The following TXLNG variants were observed in gnomAD, a reference collection of about 807,000 sequenced individuals.
TXLNG encodes gamma-taxilin.
TXLNG carries 5 observed loss-of-function variants against 38.8 expected under a neutral mutation model. The observed-to-expected ratio is 0.13, with a 90% CI of 0.07 to 0.27. TXLNG has a LOEUF of 0.27. TXLNG is among the 10% of genes least tolerant of loss of function. The pLI, the probability that TXLNG is intolerant of heterozygous loss-of-function variation, is 1.00. For missense variants in TXLNG, 393 were observed against 398.2 expected, an observed-to-expected ratio of 0.99 and a Z score of 0.11; for synonymous variants, 182 against 158.2, an observed-to-expected ratio of 1.15 and a Z score of -1.13.
rs773776426 is a variant in TXLNG at position 16,806,366 on chromosome X, C to G, written c.103-12208C>G. Reference sequence around the variant, plus strand: ...CTCCACTGCCCCTCCCAGGGCAGAGCGAGCATGGTTGCACATACACTGTTG... The same window carrying G: ...CTCCACTGCCCCTCCCAGGGCAGAGGGAGCATGGTTGCACATACACTGTTG... On this transcript the variant is annotated intron_variant, in intron 1 of 9. Coordinates refer to ENST00000380122, the MANE Select transcript of TXLNG (RefSeq NM_018360.3). 2.7e-5 allele frequency among the ~76,000 whole-genome samples: 3 copies of G among 112,622 alleles called. No individual in the cohort carries two copies. The East Asian group carries it at 8.3e-4, about 31-fold the overall frequency.
chrX:16,835,448 G>T (rs1311299249), intron 7 of TXLNG, among the ~76,000 whole-genome samples: 1 of 112,043 alleles, frequency 8.9e-6, no homozygotes, highest in Non-Finnish European at 1.9e-5. Flanking sequence ...GCTTCTAGGA[G>T]ATTTGAATCT....
intron 5 of TXLNG, among the ~76,000 whole-genome samples, chrX:16,830,632 G>A (rs1929358718): frequency 9.6e-6 from 1 of 103,931 alleles, no homozygotes; most frequent in Admixed American, 1.0e-4. Flanking sequence ...AGGCATCTGT[G>A]TGTTACTTTA....
At chrX:16,841,112 C>T (rs1443598337) in intron 9 of TXLNG, among the ~76,000 whole-genome samples, 1 of 108,903 alleles carries the variant, frequency 9.2e-6, no homozygotes, top group African/African-American at 3.4e-5. Context: ...GGAGAATCAC[C>T]TCAACCCAGG....
At chrX:16,818,052 A>G (rs1478332610) in intron 1 of TXLNG, among the ~76,000 whole-genome samples, 1 of 111,187 alleles carries the variant, frequency 9.0e-6, no homozygotes, top group East Asian at 2.8e-4. Context: ...CTATGCCCAC[A>G]TTCAGTTGGT....
intron 2 of TXLNG, among the ~76,000 whole-genome samples, chrX:16,819,440 A>G (rs878895569): frequency 7.2e-5 from 8 of 111,057 alleles, no homozygotes; most frequent in Admixed American, 4.8e-4. Flanking sequence ...TTTTGATGCA[A>G]TATCTTACAT....
intron 5 of TXLNG, among the ~76,000 whole-genome samples, chrX:16,831,968 T>G (rs939338965): frequency 2.7e-5 from 3 of 112,134 alleles, no homozygotes; most frequent in Non-Finnish European, 5.6e-5. Context: ...CACTTAACAG[T>G]TTTGTTTGGA....
At chrX:16,834,394 A>AAAATCT in intron 7 of TXLNG, 37 bp downstream of exon 7, 1 of 1,119,348 alleles carries the variant, frequency 8.9e-7, no homozygotes, top group Non-Finnish European at 1.2e-6. Context: ...ATTTGTAAGA[A>AAAATCT]AAATCTGTGG....
intron 1 of TXLNG, among the ~76,000 whole-genome samples, chrX:16,802,821 CTTT>C (rs561657297): frequency 1.1e-4 from 10 of 87,354 alleles, no homozygotes; most frequent in Admixed American, 2.5e-4. Context: ...TTCTTTCTTT[CTTT>C]TTTTTTTTTT....
rs188762681 is a variant in TXLNG at position 16,795,422 on chromosome X, A to G, written c.102+8833A>G. On this transcript the variant is annotated intron_variant, in intron 1 of 9. Coordinates refer to ENST00000380122, the MANE Select transcript of TXLNG (RefSeq NM_018360.3). ...TATAGATGTTACCAGTAAATGTACA[A>G]TATTAGCACTTATACTGCTAGGTTA... Among the ~76,000 whole-genome samples the G allele has an allele frequency of 5.1e-4, 58 of 112,944 alleles. 1 individual carries two copies. The East Asian group carries it at 0.016, about 31-fold the overall frequency.
intron 1 of TXLNG, among the ~76,000 whole-genome samples, chrX:16,798,886 C>CT (rs749188791): frequency 1.4e-3 from 145 of 103,570 alleles, no homozygotes; most frequent in South Asian, 1.6e-3. Context: ...CCAGCATTTC[C>CT]TTTTTTTTTT....
At chrX:16,806,117 T>C (rs1205918634) in intron 1 of TXLNG, among the ~76,000 whole-genome samples, 1 of 112,853 alleles carries the variant, frequency 8.9e-6, no homozygotes, top group Non-Finnish European at 1.9e-5. Flanking sequence ...AAATGACTTA[T>C]ACAAAGCTGA....
chrX:16,828,888 A>G (rs1034945011), intron 4 of TXLNG, among the ~76,000 whole-genome samples: 8 of 111,647 alleles, frequency 7.2e-5, no homozygotes, highest in African/African-American at 2.6e-4. Context: ...TTATGCCCCA[A>G]TAAACTCCCT....
chrX:16,803,000 A>G (rs1213141401), intron 1 of TXLNG, among the ~76,000 whole-genome samples: 1 of 108,754 alleles, frequency 9.2e-6, no homozygotes, highest in Non-Finnish European at 1.9e-5. Context: ...TTGCATTTTT[A>G]GTAGAGATGG....
chrX:16,832,784 T>C (rs952052066), intron 6 of TXLNG, 42 bp downstream of exon 6: 3 of 1,150,736 alleles, frequency 2.6e-6, no homozygotes, highest in Non-Finnish European at 3.4e-6. Flanking sequence ...ATTGCCAACA[T>C]TGTAACTGAG....
At chrX:16,808,404 G>T (rs896438911) in intron 1 of TXLNG, among the ~76,000 whole-genome samples, 3 of 111,682 alleles carry the variant, frequency 2.7e-5, no homozygotes, top group African/African-American at 9.8e-5. Context: ...CTCCCCTTTT[G>T]TTTTTCCAAA....
intron 3 of TXLNG, among the ~76,000 whole-genome samples, chrX:16,825,419 T>G (rs1221971857): frequency 8.9e-6 from 1 of 112,489 alleles, no homozygotes. Flanking sequence ...AGGAAACACA[T>G]GAGAATGTTC....
At chrX:16,795,349 A>T (rs779512290) in intron 1 of TXLNG, among the ~76,000 whole-genome samples, 3 of 112,732 alleles carry the variant, frequency 2.7e-5, no homozygotes, top group African/African-American at 9.6e-5. Flanking sequence ...AATTTAATGC[A>T]GTCATTAACA....
rs151227101 is a variant in TXLNG at position 16,789,533 on chromosome X, C to A, written c.102+2944C>A. On this transcript the variant is annotated intron_variant, in intron 1 of 9. Coordinates refer to ENST00000380122, the MANE Select transcript of TXLNG (RefSeq NM_018360.3). ...TAGTGGCTACTGTATTAGAGCAGATCTAGAATATTTTCATCATTGCATAAA... is the reference window on the plus strand; with the variant it reads ...TAGTGGCTACTGTATTAGAGCAGATATAGAATATTTTCATCATTGCATAAA... Among the ~76,000 whole-genome samples the A allele has an allele frequency of 8.0e-3, 851 of 106,192 alleles. 12 individuals carry two copies. Among genetic ancestry groups the A allele is most frequent in the African/African-American group, 0.028 (813 of 29,055 alleles). The allele number at this position is 106,192 out of a possible 115,157, so 92.2% of individuals were successfully genotyped here. A position where few individuals can be genotyped will look rare whatever the true frequency, so the allele number is the denominator to read the frequency against.
rs751456072 is a variant in TXLNG, at chrX:16,808,051, G to A, written c.103-10523G>A. 2.9e-4 allele frequency among the ~76,000 whole-genome samples: 32 copies of A among 111,806 alleles called. No homozygotes were observed. The East Asian group carries it at 4.5e-3, about 16-fold the overall frequency. On this transcript the variant is annotated intron_variant, in intron 1 of 9. Transcript: ENST00000380122. ...TTCTTTGCTCCTGTCATTTATTATT[G>A]ATAAACTGGTGACCTCCCATTTTGA...
Sources: allele counts gnomAD v4.1 joint callset (sites outside exome capture counted in the v4.1 genomes callset), GRCh38; gene constraint gnomAD v4.1.1; transcripts MANE v1.5; gene names NCBI Gene and HGNC (gene_info 2026-07-23, HGNC 2026-07-21).